The following DEFB123 variants were observed in gnomAD, a reference collection of about 807,000 sequenced individuals.
DEFB123 encodes the protein defensin beta 123.
For missense variants in DEFB123, 71 were observed against 75.0 expected (o/e 0.95, Z 0.20); for synonymous variants, 22 against 28.3 (o/e 0.78, Z 0.71).
chr20:31,449,767 C>CAAAAAAA (rs59939526), intron 1 of DEFB123, among the ~76,000 whole-genome samples: 26 of 52,480 alleles, frequency 5.0e-4, no homozygotes, highest in East Asian at 1.3e-3. Flanking sequence ...AGACTCATCT[C>CAAAAAAA]AAAAAAAAAA....
intron 1 of DEFB123, 140 bp downstream of exon 1, chr20:31,440,896 G>C: frequency 1.1e-6 from 1 of 940,058 alleles, no homozygotes; most frequent in Non-Finnish European, 1.7e-6. Context: ...CCAGCAGCAG[G>C]TGCCAGCTGA....
Position 31,440,691 on chromosome 20 carries a change from C to T in DEFB123, c.-8C>T. On this transcript the variant is annotated 5_prime_UTR_variant, in exon 1 of 2. Transcript: ENST00000376309. ...GGACTTGCAGCTTCATTTTGGGCTG[C>T]CTTAGCCATGAAGCTCCTTTTGCTG... The T allele has an allele frequency of 6.2e-7, 1 of 1,613,720 alleles. No individual in the cohort carries two copies. The highest frequency in any genetic ancestry group is 8.5e-7 in the Non-Finnish European group (1 of 1,180,028).
intron 1 of DEFB123, among the ~76,000 whole-genome samples, chr20:31,446,772 T>TGTATGAAA (rs1979594685): frequency 6.6e-6 from 1 of 152,142 alleles, no homozygotes. Context: ...CTCCCAGCCT[T>TGTATGAAA]TGTGCTATTG....
intron 1 of DEFB123, among the ~76,000 whole-genome samples, chr20:31,442,753 C>T (rs1048006550): frequency 2.0e-5 from 3 of 151,912 alleles, no homozygotes; most frequent in South Asian, 2.1e-4. Context: ...GGATTACAGG[C>T]GCCTGCAACC....
chr20:31,447,932 G>A (rs562705179), intron 1 of DEFB123, among the ~76,000 whole-genome samples: 9 of 151,894 alleles, frequency 5.9e-5, no homozygotes, highest in African/African-American at 2.2e-4. Context: ...GATTACAGGC[G>A]CCTGCCACCA....
At chr20:31,442,560 A>G (rs1979488985) in intron 1 of DEFB123, among the ~76,000 whole-genome samples, 1 of 151,984 alleles carries the variant, frequency 6.6e-6, no homozygotes, top group African/African-American at 2.4e-5. Context: ...GCAGGAAAGG[A>G]AATAGTGAAC....
At chr20:31,441,092 A>T (rs1220924767) in intron 1 of DEFB123, among the ~76,000 whole-genome samples, 2 of 152,226 alleles carry the variant, frequency 1.3e-5, no homozygotes, top group Non-Finnish European at 2.9e-5. Context: ...AGAATGAACG[A>T]AGCTTTGTGA....
intron 1 of DEFB123, among the ~76,000 whole-genome samples, chr20:31,447,748 C>T (rs1979625521): frequency 7.0e-6 from 1 of 142,610 alleles, no homozygotes; most frequent in South Asian, 2.3e-4. Context: ...TCCCTAGTAG[C>T]TGGGACTACA....
At chr20:31,448,633 C>T (rs576223665) in intron 1 of DEFB123, among the ~76,000 whole-genome samples, 6 of 152,226 alleles carry the variant, frequency 3.9e-5, no homozygotes, top group African/African-American at 1.4e-4. Flanking sequence ...GTCTAACCTA[C>T]TATTAATCTC....
chr20:31,444,795 G>A (rs1376479554), intron 1 of DEFB123, among the ~76,000 whole-genome samples: 1 of 152,108 alleles, frequency 6.6e-6, no homozygotes, highest in Non-Finnish European at 1.5e-5. Flanking sequence ...TCAGGTCAAT[G>A]GACAGAGCAT....
intron 1 of DEFB123, among the ~76,000 whole-genome samples, chr20:31,441,410 C>T (rs919876153): frequency 2.6e-5 from 4 of 152,050 alleles, no homozygotes; most frequent in African/African-American, 9.7e-5. Context: ...GAAGGGTGTC[C>T]CAGGCAGAGA....
chr20:31,440,772 T>G lies in DEFB123; in HGVS notation c.58+16T>G. ...CTGACTCCAGGTAACCTGAACCTCCTTAAGGAAGGGGCAGGGCTTAGAGAC... is the reference window on the plus strand; with the variant it reads ...CTGACTCCAGGTAACCTGAACCTCCGTAAGGAAGGGGCAGGGCTTAGAGAC... On this transcript the variant is annotated intron_variant, in intron 1 of 1. Coordinates refer to ENST00000376309, the MANE Select transcript of DEFB123 (RefSeq NM_153324.4). 1.2e-6 allele frequency: 2 copies of G among 1,612,834 alleles called. No homozygotes were observed. The highest frequency in any genetic ancestry group is 1.7e-6 in the Non-Finnish European group (2 of 1,179,986).
At position 31,450,164 on chromosome 20, in the gene DEFB123, G is replaced by C. The variant is rs1427139964; in HGVS notation, c.194G>C (p.Trp65Ser). 1.2e-6 allele frequency: 2 copies of C among 1,603,684 alleles called. No homozygotes were observed. Among genetic ancestry groups the C allele is most frequent in the Non-Finnish European group, 1.7e-6 (2 of 1,176,454 alleles). Residue 65 changes from tryptophan (W) to serine (S), a missense_variant, in exon 2 of 2, where the codon TGG (tryptophan) becomes TCG (serine). By Grantham distance (177) the Trp-to-Ser change is radical. Transcript: ENST00000376309. Reference protein sequence around the residue: ...KPKYQPKERWWPF With the variant: ...KPKYQPKERWSPF ...AAGTACCAGCCAAAAGAAAGGTGGT[G>C]GCCATTTTAACTGCTTTGAAGCCTG...
chr20:31,442,539 G>A (rs1255428660), intron 1 of DEFB123, among the ~76,000 whole-genome samples: 1 of 151,256 alleles, frequency 6.6e-6, no homozygotes. Flanking sequence ...TGAGTACAGT[G>A]AGCAGAATAG....
intron 1 of DEFB123, among the ~76,000 whole-genome samples, chr20:31,444,247 AC>A (rs1979531682): frequency 6.6e-6 from 1 of 151,996 alleles, no homozygotes; most frequent in Non-Finnish European, 1.5e-5. Flanking sequence ...AAGCCCAGAA[AC>A]CCAGCAGAGA....
At chr20:31,447,107 A>G (rs917578831) in intron 1 of DEFB123, among the ~76,000 whole-genome samples, 23 of 152,014 alleles carry the variant, frequency 1.5e-4, no homozygotes, top group African/African-American at 5.3e-4. Flanking sequence ...TACTAAAAAT[A>G]CAGAATTAGC....
chr20:31,445,205 AT>A (rs1979557919), intron 1 of DEFB123, among the ~76,000 whole-genome samples: 2 of 152,166 alleles, frequency 1.3e-5, no homozygotes, highest in Admixed American at 1.3e-4. Context: ...AAGTTCTCCC[AT>A]TTTGGCAGAA....
intron 1 of DEFB123, among the ~76,000 whole-genome samples, chr20:31,443,405 C>T (rs919664019): frequency 2.0e-5 from 3 of 152,206 alleles, no homozygotes; most frequent in Admixed American, 2.0e-4. Flanking sequence ...TTCCCTTAGC[C>T]ATTTCTAATC....
At chr20:31,448,878 A>ATTT (rs34804733) in intron 1 of DEFB123, among the ~76,000 whole-genome samples, 3 of 119,974 alleles carry the variant, frequency 2.5e-5, no homozygotes, top group African/African-American at 6.3e-5. Flanking sequence ...CGCCCAGCTA[A>ATTT]TTTTTTTTTT....
Sources: allele counts gnomAD v4.1 joint callset (sites outside exome capture counted in the v4.1 genomes callset), GRCh38; gene constraint gnomAD v4.1.1; transcripts MANE v1.5; gene names NCBI Gene and HGNC (gene_info 2026-07-23, HGNC 2026-07-21).